SLC6A5: variants seen among roughly 807,000 people sequenced by gnomAD.
The protein encoded by SLC6A5 is solute carrier family 6 member 5, also known as sodium- and chloride-dependent glycine transporter 2.
Under a neutral mutation model 90.5 loss-of-function variants are expected in SLC6A5, and 58 were observed. The observed-to-expected ratio is 0.64, with a 90% CI of 0.52 to 0.80. The LOEUF is 0.80. Among genes scored for constraint, SLC6A5 ranks in the 30% least tolerant of loss-of-function variants. The pLI is 0.00. For synonymous variants in SLC6A5, 427 were observed against 401.4 expected (o/e 1.06, Z -0.76); for missense variants, 1,015 against 1,017.6 (o/e 1.00, Z 0.03).
chr11:20,599,917 G>A (rs1590150124), intron 1 of SLC6A5, among the ~76,000 whole-genome samples: 1 of 152,094 alleles, frequency 6.6e-6, no homozygotes, highest in Non-Finnish European at 1.5e-5. Context: ...CCCGATCCCG[G>A]GCACTGTCCT....
intron 5 of SLC6A5, among the ~76,000 whole-genome samples, chr11:20,612,852 G>T (rs983140854): frequency 6.6e-6 from 1 of 152,160 alleles, no homozygotes; most frequent in Admixed American, 6.5e-5. Context: ...GGTATTTAAA[G>T]ACAATTTTAA....
chr11:20,621,068 G>T (rs1852880294), intron 7 of SLC6A5, among the ~76,000 whole-genome samples: 1 of 152,136 alleles, frequency 6.6e-6, no homozygotes, highest in African/African-American at 2.4e-5. Flanking sequence ...CTCCCAAGGT[G>T]CTAGGATTAC....
chr11:20,650,588 T>C (rs967190230), intron 14 of SLC6A5, among the ~76,000 whole-genome samples: 5 of 149,686 alleles, frequency 3.3e-5, no homozygotes, highest in Non-Finnish European at 7.4e-5. Flanking sequence ...AGCTAATTAG[T>C]GGTTGGGCCA....
intron 7 of SLC6A5, among the ~76,000 whole-genome samples, chr11:20,624,513 C>T (rs979659310): frequency 6.6e-6 from 1 of 152,094 alleles, no homozygotes; most frequent in Non-Finnish European, 1.5e-5. Context: ...CCTGTGAGTC[C>T]TTGAATCCGT....
At chr11:20,639,090 C>T (rs1378445910) in intron 13 of SLC6A5, among the ~76,000 whole-genome samples, 1 of 152,106 alleles carries the variant, frequency 6.6e-6, no homozygotes, top group Non-Finnish European at 1.5e-5. Context: ...TCCAGTTTAT[C>T]CTTCCTACTG....
chr11:20,636,595 G>A (rs1213960466), intron 11 of SLC6A5, among the ~76,000 whole-genome samples, 176 bp downstream of exon 11: 4 of 151,452 alleles, frequency 2.6e-5, no homozygotes, highest in African/African-American at 7.3e-5. Context: ...CTTGTATTTT[G>A]GGTGCTCATG....
At chr11:20,616,327 T>C (rs1852782509) in intron 6 of SLC6A5, among the ~76,000 whole-genome samples, 1 of 152,224 alleles carries the variant, frequency 6.6e-6, no homozygotes, top group Non-Finnish European at 1.5e-5. Context: ...GGTAGTATGA[T>C]GAAATCTGAA....
chr11:20,647,494 T>A (rs957558817), intron 14 of SLC6A5, among the ~76,000 whole-genome samples: 5 of 144,004 alleles, frequency 3.5e-5, no homozygotes, highest in Non-Finnish European at 3.0e-5. Context: ...TATATATATA[T>A]AAATGTTCCT....
At chr11:20,650,812 G>A (rs907535747) in intron 14 of SLC6A5, among the ~76,000 whole-genome samples, 1 of 151,702 alleles carries the variant, frequency 6.6e-6, no homozygotes, top group Non-Finnish European at 1.5e-5. Context: ...GACTACAGGC[G>A]CCCGCTACCA....
At chr11:20,607,209 C>G in intron 4 of SLC6A5, 71 bp downstream of exon 4, 1 of 1,549,432 alleles carries the variant, frequency 6.5e-7, no homozygotes, top group Non-Finnish European at 8.8e-7. Flanking sequence ...CATGCAGCCC[C>G]AGGGAGGGAG....
intron 13 of SLC6A5, among the ~76,000 whole-genome samples, chr11:20,639,633 A>G (rs1853275083): frequency 6.6e-6 from 1 of 152,068 alleles, no homozygotes; most frequent in East Asian, 1.9e-4. Context: ...TTTTAATGTA[A>G]TTGTTAGCCT....
At chr11:20,625,456 T>C (rs935535465) in intron 7 of SLC6A5, among the ~76,000 whole-genome samples, 1 of 152,100 alleles carries the variant, frequency 6.6e-6, no homozygotes, top group Non-Finnish European at 1.5e-5. Flanking sequence ...GAGATGGGGT[T>C]TTGCCATATT....
rs373223627 is a variant in SLC6A5, at chr11:20,638,559, G to T, written c.1969+1G>T. ...CTCGTGGGGATCTCTTATGTGTATG[G>T]TAAGGAAATCACTGTGCCTGTTGCT... is the stretch of plus-strand genomic sequence containing the variant. On this transcript the variant is annotated splice_donor_variant, in intron 13 of 15. Transcript: ENST00000525748. LOFTEE classifies it high-confidence loss of function. 13 of 1,574,576 alleles carry T rather than the reference G, an allele frequency of 8.3e-6. No homozygotes were observed. The highest frequency in any genetic ancestry group is 1.1e-5 in the Non-Finnish European group (13 of 1,144,276).
At chr11:20,611,463 A>G (rs1017325843) in intron 5 of SLC6A5, among the ~76,000 whole-genome samples, 11 of 152,190 alleles carry the variant, frequency 7.2e-5, no homozygotes, top group Non-Finnish European at 1.2e-4. Context: ...AAAAAACAAA[A>G]AACAAACAAA....
intron 7 of SLC6A5, among the ~76,000 whole-genome samples, chr11:20,619,198 C>G (rs1406120711): frequency 1.3e-5 from 2 of 152,146 alleles, no homozygotes; most frequent in African/African-American, 2.4e-5. Context: ...TACAATCAAC[C>G]AACTTCTGAA....
chr11:20,636,015 A>G (rs1247986942), intron 10 of SLC6A5, among the ~76,000 whole-genome samples: 1 of 152,228 alleles, frequency 6.6e-6, no homozygotes, highest in African/African-American at 2.4e-5. Context: ...CATGGTACAC[A>G]GCCTAGCCGT....
At chr11:20,654,287 G>T (rs928589767) in intron 15 of SLC6A5, among the ~76,000 whole-genome samples, 1 of 152,062 alleles carries the variant, frequency 6.6e-6, no homozygotes, top group African/African-American at 2.4e-5. Context: ...TTTAGATGTA[G>T]CAATCCACTG....
At position 20,657,334 on chromosome 11, in the gene SLC6A5, ATT is replaced by A. The variant is rs1853649786; in HGVS notation, c.*2468_*2469del. 1 of 152,016 alleles carries A rather than the reference ATT, an allele frequency of 6.6e-6. No individual in the cohort carries two copies. Among genetic ancestry groups the A allele is most frequent in the South Asian group, 2.1e-4 (1 of 4,828 alleles). The allele number at this position is 152,016 out of a possible 1,614,324, so 9.4% of individuals were successfully genotyped here. A position where few individuals can be genotyped will look rare whatever the true frequency, so the allele number is the denominator to read the frequency against. On this transcript the variant is annotated 3_prime_UTR_variant, in exon 16 of 16. Transcript: ENST00000525748. ...ATGTTTTGGATTTGGGGGCATTTAC[ATT>A]TGTGTTAATTATGATTTGTCCAGGT...
chr11:20,654,588 G>C, intron 15 of SLC6A5, 125 bp from the exon 16 acceptor site: 1 of 856,706 alleles, frequency 1.2e-6, no homozygotes, highest in Non-Finnish European at 2.0e-6. Flanking sequence ...TTGGTAGAGG[G>C]CCTCTTGGCT....
Sources: gnomAD v4.1 joint callset for allele counts (sites outside exome capture counted in the v4.1 genomes callset) on GRCh38, gnomAD v4.1.1 for gene constraint, MANE v1.5 for transcripts, NCBI Gene and HGNC (gene_info 2026-07-23, HGNC 2026-07-21) for gene names.